Variants in STXBP5L observed in about 807,000 individuals in gnomAD.
STXBP5L encodes the protein syntaxin-binding protein 5-like.
STXBP5L carries 65 observed loss-of-function variants against 144.5 expected under a neutral mutation model. The ratio of observed to expected loss-of-function variants is 0.45; its 90% CI spans 0.37 to 0.55. The LOEUF is 0.55. Ranked by LOEUF, STXBP5L falls within the 20% of genes least tolerant of loss-of-function variation. The pLI, the probability that STXBP5L is intolerant of heterozygous loss-of-function variation, is 0.00. For synonymous variants in STXBP5L, 505 were observed against 469.6 expected (o/e 1.08, Z -0.97); for missense variants, 1,298 against 1,405.5 (o/e 0.92, Z 1.22).
At chr3:121,168,834 C>T (rs2046594661) in intron 9 of STXBP5L, among the ~76,000 whole-genome samples, 1 of 152,108 alleles carries the variant, frequency 6.6e-6, no homozygotes, top group Non-Finnish European at 1.5e-5. Flanking sequence ...TCAGGAAATA[C>T]AGCGAACACC....
In STXBP5L at chr3:121,155,399, A is replaced by G. The variant is rs1246552066; in HGVS notation, c.754-2105A>G. ...TTAGGTCTTTAGCCCCTGTAAAACT[A>G]TTTAGACAATTTAACTAGCCTCTTC... is the stretch of plus-strand genomic sequence containing the variant. On this transcript the variant is annotated intron_variant, in intron 8 of 26. Coordinates refer to ENST00000471454, the MANE Select transcript of STXBP5L (RefSeq NM_001308330.2). 2.0e-5 allele frequency among the ~76,000 whole-genome samples: 3 copies of G among 151,982 alleles called. No individual in the cohort carries two copies. The East Asian group carries it at 5.8e-4, about 29-fold the overall frequency.
At chr3:121,261,503 C>T (rs894994572) in intron 18 of STXBP5L, among the ~76,000 whole-genome samples, 37 of 152,048 alleles carry the variant, frequency 2.4e-4, no homozygotes, top group Non-Finnish European at 3.7e-4. Context: ...CATTTATGAA[C>T]ATGGATTTAA....
intron 3 of STXBP5L, among the ~76,000 whole-genome samples, chr3:120,999,848 C>G (rs1459313678): frequency 6.6e-6 from 1 of 152,092 alleles, no homozygotes; most frequent in African/African-American, 2.4e-5. Flanking sequence ...ATTTGCTTGT[C>G]TGAAAAATAT....
At position 121,389,285 on chromosome 3, in the gene STXBP5L, A is replaced by G. The variant is rs142931215; in HGVS notation, c.2587+7753A>G. 1.9e-3 allele frequency among the ~76,000 whole-genome samples: 281 copies of G among 151,482 alleles called. 2 individuals carry two copies. Among genetic ancestry groups the G allele is most frequent in the Middle Eastern group, 6.8e-3 (2 of 294 alleles). On this transcript the variant is annotated intron_variant, in intron 22 of 26. Coordinates refer to ENST00000471454, the MANE Select transcript of STXBP5L (RefSeq NM_001308330.2). ...TCTACTTGATTCTTCTCTCTTCTTTATTACTCTTGCTAGTTGTCTATCAAT... is the reference window on the plus strand; with the variant it reads ...TCTACTTGATTCTTCTCTCTTCTTTGTTACTCTTGCTAGTTGTCTATCAAT...
At chr3:120,926,449 G>T (rs1709637845) in intron 2 of STXBP5L, among the ~76,000 whole-genome samples, 1 of 144,772 alleles carries the variant, frequency 6.9e-6, no homozygotes, top group South Asian at 2.2e-4. Context: ...TATGTTATTT[G>T]CGTATTTTCT....
intron 19 of STXBP5L, among the ~76,000 whole-genome samples, chr3:121,303,177 A>G (rs963679982): frequency 4.5e-4 from 68 of 152,316 alleles, no homozygotes; most frequent in African/African-American, 1.6e-3. Context: ...ACTCAAACAA[A>G]TTTACAAGAA....
chr3:121,312,020 G>A (rs562353247), intron 19 of STXBP5L, among the ~76,000 whole-genome samples: 1 of 152,214 alleles, frequency 6.6e-6, no homozygotes, highest in Non-Finnish European at 1.5e-5. Flanking sequence ...ACAGAACAGA[G>A]CCCTCAGAAA....
At chr3:121,012,821 T>G (rs563886911) in intron 3 of STXBP5L, among the ~76,000 whole-genome samples, 1 of 151,630 alleles carries the variant, frequency 6.6e-6, no homozygotes, top group African/African-American at 2.4e-5. Context: ...AGGTAGTTTT[T>G]CAACCCTTAT....
intron 5 of STXBP5L, among the ~76,000 whole-genome samples, chr3:121,082,912 A>G (rs917110235): frequency 6.6e-6 from 1 of 152,162 alleles, no homozygotes; most frequent in Non-Finnish European, 1.5e-5. Context: ...GAACTTTTAC[A>G]TTTGGGCTGG....
At chr3:121,314,532 C>A (rs1285102977) in intron 19 of STXBP5L, among the ~76,000 whole-genome samples, 1 of 143,684 alleles carries the variant, frequency 7.0e-6, no homozygotes, top group Non-Finnish European at 1.5e-5. Context: ...TGCAGTGAGC[C>A]GAGATGGCAG....
chr3:121,098,094 C>G (rs893306995), intron 5 of STXBP5L, among the ~76,000 whole-genome samples: 3 of 152,094 alleles, frequency 2.0e-5, no homozygotes, highest in Non-Finnish European at 2.9e-5. Flanking sequence ...ACCTACGGTA[C>G]TGATATCAAG....
At chr3:121,367,280 A>G (rs2045889203) in intron 20 of STXBP5L, among the ~76,000 whole-genome samples, 1 of 151,998 alleles carries the variant, frequency 6.6e-6, no homozygotes, top group South Asian at 2.1e-4. Flanking sequence ...CTTTTATTTC[A>G]CCCTGCAGGA....
intron 5 of STXBP5L, among the ~76,000 whole-genome samples, chr3:121,078,306 C>T (rs973828965): frequency 2.0e-5 from 3 of 151,074 alleles, no homozygotes; most frequent in Non-Finnish European, 2.9e-5. Flanking sequence ...TACAGAGTGT[C>T]GATTGATGCA....
intron 20 of STXBP5L, among the ~76,000 whole-genome samples, chr3:121,335,070 C>T (rs981413835): frequency 2.6e-5 from 4 of 152,052 alleles, no homozygotes; most frequent in Non-Finnish European, 5.9e-5. Flanking sequence ...TAGTTATAGA[C>T]AAAAAGCTCC....
intron 5 of STXBP5L, among the ~76,000 whole-genome samples, chr3:121,050,929 G>A (rs1947928529): frequency 6.6e-6 from 1 of 152,138 alleles, no homozygotes; most frequent in South Asian, 2.1e-4. Flanking sequence ...AGCAGGGGTT[G>A]CAATCCTAGT....
chr3:120,908,488 A>G (rs1708648035), intron 1 of STXBP5L, among the ~76,000 whole-genome samples, 154 bp downstream of exon 1: 1 of 151,838 alleles, frequency 6.6e-6, no homozygotes, highest in African/African-American at 2.4e-5. Context: ...ACAGAGAGCG[A>G]GCGCACCAGC....
rs11712013 is a variant in STXBP5L, at chr3:121,019,165, G to T, written c.288-22535G>T. Among the ~76,000 whole-genome samples the T allele has an allele frequency of 8.5e-3, 1,291 of 152,204 alleles. 34 individuals carry two copies. In the East Asian group the frequency reaches 0.1, roughly 12 times the overall value. ...GAGGCAGCCGTAATCCCCCCGGAATGTATCTCCATTGGCCTGAAAACCACA... is the reference window on the plus strand; with the variant it reads ...GAGGCAGCCGTAATCCCCCCGGAATTTATCTCCATTGGCCTGAAAACCACA... On this transcript the variant is annotated intron_variant, in intron 3 of 26. Coordinates refer to ENST00000471454, the MANE Select transcript of STXBP5L (RefSeq NM_001308330.2).
At chr3:121,152,398 T>TTATTA in intron 7 of STXBP5L, 79 bp from the exon 8 acceptor site, 1 of 1,049,576 alleles carries the variant, frequency 9.5e-7, no homozygotes, top group Non-Finnish European at 1.4e-6. Flanking sequence ...TGATTTTACT[T>TTATTA]TATTAACATT....
chr3:121,408,292 A>G (rs1297237016), intron 23 of STXBP5L, among the ~76,000 whole-genome samples: 3 of 152,018 alleles, frequency 2.0e-5, no homozygotes, highest in Non-Finnish European at 4.4e-5. Context: ...CAAATAGCTC[A>G]TAAACGTATA....
Sources: allele counts gnomAD v4.1 joint callset (sites outside exome capture counted in the v4.1 genomes callset), GRCh38; gene constraint gnomAD v4.1.1; transcripts MANE v1.5; gene names NCBI Gene and HGNC (gene_info 2026-07-23, HGNC 2026-07-21).